Variants in ASTN2 observed in about 807,000 individuals in gnomAD.
ASTN2 encodes astrotactin 2.
ASTN2 carries 54 observed loss-of-function variants against 139.8 expected under a neutral mutation model. The ratio of observed to expected loss-of-function variants is 0.39; its 90% CI spans 0.31 to 0.48. The LOEUF (loss-of-function observed/expected upper bound fraction) is 0.48, where lower values mean the gene tolerates loss of function less well. ASTN2 is among the 20% of genes least tolerant of loss of function. ASTN2 has a pLI of 0.95. For missense variants in ASTN2, 1,565 were observed against 1,725.1 expected, an observed-to-expected ratio of 0.91 and a Z score of 1.64; for synonymous variants, 756 against 719.5, an observed-to-expected ratio of 1.05 and a Z score of -0.81.
chr9:116,973,989 C>T lies in ASTN2; in HGVS notation c.1889+1219G>A, dbSNP rs556169444. ...GTTCTAGGAGCTTTCTGTCAAGATG[C>T]CATAGAAATACTGATAGCATTGTGA... On this transcript the variant is annotated intron_variant, in intron 10 of 22. Coordinates refer to ENST00000313400, the MANE Select transcript of ASTN2 (RefSeq NM_001365068.1). Among the ~76,000 whole-genome samples the T allele has an allele frequency of 7.2e-5, 11 of 152,242 alleles. 1 individual carries two copies. In the South Asian group the frequency reaches 2.1e-3, roughly 29 times the overall value.
intron 17 of ASTN2, among the ~76,000 whole-genome samples, chr9:116,627,199 G>A (rs1232224162): frequency 1.3e-5 from 2 of 152,218 alleles, no homozygotes; most frequent in Non-Finnish European, 2.9e-5. Flanking sequence ...AACAAGACAG[G>A]AAGGCAAGTG....
chr9:117,016,633 T>TGTTAC (rs1837699015), intron 6 of ASTN2, among the ~76,000 whole-genome samples: 41 of 18,736 alleles, frequency 2.2e-3, no homozygotes, highest in African/African-American at 4.6e-3. Flanking sequence ...TCTATATATA[T>TGTTAC]ATATATATAT....
chr9:116,781,732 T>C (rs1216672885), intron 13 of ASTN2, among the ~76,000 whole-genome samples: 4 of 152,134 alleles, frequency 2.6e-5, no homozygotes, highest in Non-Finnish European at 5.9e-5. Flanking sequence ...AGTCTGAGCA[T>C]TGGATCTATT....
chr9:117,143,864 C>A (rs1830131276), intron 3 of ASTN2, among the ~76,000 whole-genome samples: 1 of 152,074 alleles, frequency 6.6e-6, no homozygotes, highest in South Asian at 2.1e-4. Context: ...AAAGTTCAAT[C>A]AGATCAGGGC....
chr9:116,976,285 A>G, intron 8 of ASTN2, 97 bp from the exon 9 acceptor site: 1 of 937,776 alleles, frequency 1.1e-6, no homozygotes, highest in East Asian at 2.4e-5. Flanking sequence ...ACAAACAACC[A>G]AACTCTGCAG....
In ASTN2 at chr9:117,056,171, G is replaced by A. The variant is rs1223989828; in HGVS notation, c.1277-16206C>T. Among the ~76,000 whole-genome samples, 4 of 152,344 alleles carry A rather than the reference G, an allele frequency of 2.6e-5. No individual in the cohort carries two copies. In the East Asian group the frequency reaches 5.8e-4, roughly 22 times the overall value. Reference sequence around the variant, plus strand: ...CAGTCTCCTTCGAAGCCCTGAGCTGGGGGACTGATGATATTGTGCCTGATC... The same window carrying A: ...CAGTCTCCTTCGAAGCCCTGAGCTGAGGGACTGATGATATTGTGCCTGATC... On this transcript the variant is annotated intron_variant, in intron 5 of 22. Transcript: ENST00000313400.
chr9:116,783,037 G>A (rs1318577419), intron 13 of ASTN2, among the ~76,000 whole-genome samples: 3 of 152,076 alleles, frequency 2.0e-5, no homozygotes, highest in Admixed American at 6.5e-5. Flanking sequence ...CGCTAAACTG[G>A]AGAGGACTTT....
At chr9:116,837,909 C>T (rs747566546) in intron 11 of ASTN2, among the ~76,000 whole-genome samples, 1 of 152,146 alleles carries the variant, frequency 6.6e-6, no homozygotes, top group African/African-American at 2.4e-5. Context: ...AGTCTTAGAA[C>T]CAGCCTTTTA....
chr9:117,284,994 T>G (rs752305706), intron 2 of ASTN2, among the ~76,000 whole-genome samples: 1 of 152,240 alleles, frequency 6.6e-6, no homozygotes, highest in Non-Finnish European at 1.5e-5. Context: ...TTTAATGAGT[T>G]AAATACATGT....
At chr9:117,297,853 T>C (rs1230589069) in intron 1 of ASTN2, among the ~76,000 whole-genome samples, 1 of 152,178 alleles carries the variant, frequency 6.6e-6, no homozygotes, top group African/African-American at 2.4e-5. Context: ...TCATCCTCCT[T>C]CTACCCACCA....
chr9:117,091,567 C>T (rs1442164099), intron 5 of ASTN2, among the ~76,000 whole-genome samples: 2 of 149,160 alleles, frequency 1.3e-5, no homozygotes, highest in Non-Finnish European at 3.0e-5. Flanking sequence ...GGAGGTCTCA[C>T]GTGATGGGGG....
Position 117,214,596 on chromosome 9 carries a change from C to G in ASTN2, c.777G>C (p.Leu259=), listed in dbSNP as rs998629338. 4 of 1,605,830 alleles carry G rather than the reference C, an allele frequency of 2.5e-6. No homozygotes were observed. The Admixed American group carries it at 5.0e-5, about 20-fold the overall frequency. Residue 259 remains leucine, a synonymous_variant, in exon 3 of 23, where the codon CTG becomes CTC. Coordinates refer to ENST00000313400, the MANE Select transcript of ASTN2 (RefSeq NM_001365068.1). ...THEIHYIPSV[L]LGPQARESFR... is the part of the protein sequence containing the mutation. ...AGCTCTCCCGCGCCTGGGGACCCAG[C>G]AGCACAGATGGGATGTAGTGGATCT...
At chr9:116,458,185 T>C (rs1848387727) in intron 20 of ASTN2, among the ~76,000 whole-genome samples, 1 of 151,262 alleles carries the variant, frequency 6.6e-6, no homozygotes, top group African/African-American at 2.4e-5. Context: ...AGCTAGAGGA[T>C]AGAATGATAG....
chr9:116,842,535 T>G (rs1832292263), intron 11 of ASTN2, among the ~76,000 whole-genome samples: 1 of 151,972 alleles, frequency 6.6e-6, no homozygotes, highest in Non-Finnish European at 1.5e-5. Flanking sequence ...GGAAAGGCTC[T>G]GCCAGTCCCC....
At chr9:116,662,091 C>A (rs10817920) in intron 16 of ASTN2, among the ~76,000 whole-genome samples, 1 of 151,912 alleles carries the variant, frequency 6.6e-6, no homozygotes, top group Non-Finnish European at 1.5e-5. Context: ...CTCAGCTTCA[C>A]GTGCCATGCC....
At chr9:116,448,030 A>G (rs1325636267) in intron 20 of ASTN2, among the ~76,000 whole-genome samples, 1 of 152,210 alleles carries the variant, frequency 6.6e-6, no homozygotes, top group Non-Finnish European at 1.5e-5. Flanking sequence ...GCAGGGACAG[A>G]GCCCTAGAGG....
At chr9:117,120,018 G>GTATATATATATATATATATATATATATA (rs200361826) in intron 4 of ASTN2, among the ~76,000 whole-genome samples, 1 of 46,000 alleles carries the variant, frequency 2.2e-5, no homozygotes, top group African/African-American at 8.2e-5. Context: ...GTGTGTGTGT[G>GTATATATATATATATATATATATATATA]TATATATATA....
At chr9:117,029,623 T>A (rs1588494398) in intron 6 of ASTN2, among the ~76,000 whole-genome samples, 2 of 151,660 alleles carry the variant, frequency 1.3e-5, no homozygotes, top group African/African-American at 4.8e-5. Context: ...TCCACCCCAG[T>A]ATCTGAGCAT....
intron 11 of ASTN2, among the ~76,000 whole-genome samples, chr9:116,861,302 C>T (rs576273889): frequency 6.6e-6 from 1 of 151,104 alleles, no homozygotes; most frequent in Non-Finnish European, 1.5e-5. Context: ...GGATATCTAT[C>T]CTAAAAGAGA....
Sources: allele counts gnomAD v4.1 joint callset (sites outside exome capture counted in the v4.1 genomes callset), GRCh38; gene constraint gnomAD v4.1.1; transcripts MANE v1.5; gene names NCBI Gene and HGNC (gene_info 2026-07-23, HGNC 2026-07-21).